MICAL3: variants seen among roughly 807,000 people sequenced by gnomAD.
MICAL3 encodes the protein [F-actin]-monooxygenase MICAL3.
Under a neutral mutation model 207.4 loss-of-function variants are expected in MICAL3, and 62 were observed. The ratio of observed to expected loss-of-function variants is 0.30; its 90% confidence interval spans 0.24 to 0.37. MICAL3 has a LOEUF of 0.37. Among genes scored for constraint, MICAL3 ranks in the 10% least tolerant of loss-of-function variants. The probability of loss-of-function intolerance (pLI) is 1.00; values close to 1 mark genes in which losing one functional copy is unlikely to be tolerated. For synonymous variants in MICAL3, 1,077 were observed against 1,069.3 expected (o/e 1.01, Z -0.14); for missense variants, 2,368 against 2,635.6 (o/e 0.90, Z 2.22).
In MICAL3 at chr22:17,928,364, G is replaced by A. The variant is rs200866461; in HGVS notation, c.-74-21478C>T. On this transcript the variant is annotated intron_variant, in intron 1 of 31. Transcript: ENST00000441493. ...TGAGGCAGGAGAATGGCGTGAACCC[G>A]GGAGGCGGAGCTTGCAGTGAGCCAA... Among the ~76,000 whole-genome samples the A allele has an allele frequency of 4.7e-3, 711 of 152,052 alleles. 5 individuals are homozygous for A. Among genetic ancestry groups the A allele is most frequent in the Non-Finnish European group, 7.2e-3 (490 of 68,002 alleles).
chr22:17,818,269 GGGTGGC>G lies in MICAL3; in HGVS notation c.4386_4391del (p.Pro1464_Pro1465del). The G allele has an allele frequency of 6.6e-7, 1 of 1,515,202 alleles. No individual in the cohort carries two copies. Among genetic ancestry groups the G allele is most frequent in the Non-Finnish European group, 8.8e-7 (1 of 1,136,368 alleles). The allele number at this position is 1,515,202 out of a possible 1,614,324, so 93.9% of individuals were successfully genotyped here. A position where few individuals can be genotyped will look rare whatever the true frequency, so the allele number is the denominator to read the frequency against. On this transcript the variant is annotated inframe_deletion, in exon 26 of 32. Coordinates refer to ENST00000441493, the MANE Select transcript of MICAL3 (RefSeq NM_015241.3). ...GCAAGGTGGCGGGCTCCTCGCCCGGGGGTGGCGGTGGGGGCGGGCTGGAGGGGGGCG... is the reference window on the plus strand; with the variant it reads ...GCAAGGTGGCGGGCTCCTCGCCCGGGGGTGGGGGCGGGCTGGAGGGGGGCG...
At chr22:17,972,843 A>G (rs1181914461) in intron 1 of MICAL3, among the ~76,000 whole-genome samples, 1 of 152,264 alleles carries the variant, frequency 6.6e-6, no homozygotes, top group African/African-American at 2.4e-5. Flanking sequence ...CAAAGGTCAC[A>G]GTTCCCACAG....
chr22:18,008,593 A>C (rs1923548592), intron 1 of MICAL3, among the ~76,000 whole-genome samples: 1 of 152,242 alleles, frequency 6.6e-6, no homozygotes, highest in South Asian at 2.1e-4. Context: ...GTTTGGAACC[A>C]ACTTAATCTT....
chr22:17,817,317 T>C lies in MICAL3; in HGVS notation c.5344A>G (p.Arg1782Gly). The C allele has an allele frequency of 1.3e-6, 2 of 1,595,648 alleles. No individual in the cohort carries two copies. The highest frequency in any genetic ancestry group is 1.7e-6 in the Non-Finnish European group (2 of 1,171,482). Residue 1782 changes from arginine to glycine, a missense_variant, in exon 26 of 32, where the codon AGG (arginine) becomes GGG (glycine). Arg to Gly is a moderately radical substitution (Grantham distance 125). Coordinates refer to ENST00000441493, the MANE Select transcript of MICAL3 (RefSeq NM_015241.3). ...SGKHRVLPVV[R>G]AELQLRRQLS... ...GACCCGGCTGCTGACGCACCTGCCC[T>C]TACGACGGGAAGCACCCTGTGCTTT...
At chr22:17,901,322 G>A (rs767729288) in intron 5 of MICAL3, among the ~76,000 whole-genome samples, 1 of 152,146 alleles carries the variant, frequency 6.6e-6, no homozygotes, top group Non-Finnish European at 1.5e-5. Flanking sequence ...AGTCCTACAG[G>A]TGCCAGCCAC....
chr22:17,834,134 G>A (rs960823791), intron 20 of MICAL3, among the ~76,000 whole-genome samples: 1 of 152,162 alleles, frequency 6.6e-6, no homozygotes, highest in Non-Finnish European at 1.5e-5. Flanking sequence ...TTTTCAGCTG[G>A]CCATTTCCTC....
At chr22:17,813,639 A>T (rs1364460920) in intron 27 of MICAL3, 2 of 152,274 alleles carry the variant, frequency 1.3e-5, no homozygotes, top group African/African-American at 4.8e-5. Flanking sequence ...CCTAAGGAAC[A>T]GCACTAACAT....
intron 1 of MICAL3, among the ~76,000 whole-genome samples, chr22:17,979,962 GGGACTGTT>G (rs1935834268): frequency 6.6e-6 from 1 of 152,128 alleles, no homozygotes; most frequent in Non-Finnish European, 1.5e-5. Context: ...CTGAGGAGCT[GGGACTGTT>G]GGCACATGCC....
chr22:17,990,455 G>C (rs1432106323), intron 1 of MICAL3, among the ~76,000 whole-genome samples: 1 of 152,178 alleles, frequency 6.6e-6, no homozygotes, highest in Admixed American at 6.5e-5. Context: ...TGCTCACTGG[G>C]TGCTTACCAC....
rs557285820 is a variant in MICAL3, at chr22:17,803,031, A to G, written c.5650+5813T>C. ...TAGTGGTTCTCCTGCTCTAGAGGGC[A>G]TCAGAACCCACTGGAAGGTCTGTTA... On this transcript the variant is annotated intron_variant, in intron 29 of 31. Transcript: ENST00000441493. Among the ~76,000 whole-genome samples the G allele has an allele frequency of 3.3e-5, 5 of 152,358 alleles. No homozygotes were observed. The South Asian group carries it at 8.3e-4, about 25-fold the overall frequency.
intron 1 of MICAL3, among the ~76,000 whole-genome samples, chr22:18,021,864 G>T (rs887281176): frequency 6.6e-6 from 1 of 152,130 alleles, no homozygotes; most frequent in South Asian, 2.1e-4. Context: ...TATTTATGAG[G>T]TGTATGACTG....
intron 16 of MICAL3, among the ~76,000 whole-genome samples, chr22:17,882,771 T>G (rs1414272533): frequency 6.6e-6 from 1 of 152,184 alleles, no homozygotes; most frequent in African/African-American, 2.4e-5. Context: ...CATTTATACA[T>G]CTGCCCAGCT....
At position 17,902,087 on chromosome 22, in the gene MICAL3, A is replaced by C; in HGVS notation, c.590-108T>G. On this transcript the variant is annotated intron_variant, in intron 4 of 31. Coordinates refer to ENST00000441493, the MANE Select transcript of MICAL3 (RefSeq NM_015241.3). This position sits in a 1 kb window ranked among gnomAD's most constrained non-coding sequence, Gnocchi z 4.5. ...GAACTGCACAAAACCCTGGGCCAAA[A>C]ACACTATGTGTAGAAGCAGTGGAGA... 1 of 740,984 alleles carries C rather than the reference A, an allele frequency of 1.3e-6. No homozygotes were observed. The highest frequency in any genetic ancestry group is 1.7e-5 in the South Asian group (1 of 57,950). 45.9% of individuals were successfully genotyped at this position (740,984 alleles called of 1,614,324 possible).
intron 1 of MICAL3, among the ~76,000 whole-genome samples, chr22:17,920,618 C>A (rs975589549): frequency 6.6e-6 from 1 of 152,288 alleles, no homozygotes; most frequent in Middle Eastern, 3.4e-3. Context: ...CTGCCGCTCT[C>A]AAAAAATTGG....
At chr22:17,867,070 G>C (rs79095455) in intron 17 of MICAL3, among the ~76,000 whole-genome samples, 2,839 of 152,276 alleles carry the variant, frequency 0.019, 94 homozygotes, top group African/African-American at 0.064. Flanking sequence ...ATAAAGGTAA[G>C]ATGGCATTCT....
chr22:17,810,399 T>C (rs2062035153), intron 28 of MICAL3, among the ~76,000 whole-genome samples: 1 of 151,934 alleles, frequency 6.6e-6, no homozygotes, highest in Admixed American at 6.6e-5. Context: ...GGTTTTGCCA[T>C]GTTGGCCAGG....
intron 3 of MICAL3, 100 bp downstream of exon 3, chr22:17,904,532 G>A: frequency 1.1e-6 from 1 of 875,404 alleles, no homozygotes; most frequent in Non-Finnish European, 1.9e-6. Context: ...GAAGAAATTG[G>A]GTGGCATATG....
intron 1 of MICAL3, among the ~76,000 whole-genome samples, chr22:17,935,107 G>C (rs1933452206): frequency 6.6e-6 from 1 of 152,130 alleles, no homozygotes. Context: ...CCAAAAAAGA[G>C]CCCGCATTGC....
At chr22:18,010,633 C>A (rs1360363069) in intron 1 of MICAL3, among the ~76,000 whole-genome samples, 1 of 152,128 alleles carries the variant, frequency 6.6e-6, no homozygotes, top group Non-Finnish European at 1.5e-5. Context: ...TTCCCCTTTT[C>A]TTTTCTTAGC....
Sources: gnomAD v4.1 joint callset for allele counts (sites outside exome capture counted in the v4.1 genomes callset) on GRCh38, gnomAD v4.1.1 for gene constraint, Gnocchi (gnomAD v3.1) non-coding constraint, MANE v1.5 for transcripts, NCBI Gene and HGNC (gene_info 2026-07-23, HGNC 2026-07-21) for gene names.